The following PAPSS2 variants were observed in gnomAD, a reference collection of about 807,000 sequenced individuals.
The protein encoded by PAPSS2 is 3'-phosphoadenosine 5'-phosphosulfate synthase 2.
PAPSS2 carries 61 observed loss-of-function variants against 66.5 expected under a neutral mutation model. The ratio of observed to expected loss-of-function variants is 0.92; its 90% confidence interval spans 0.75 to 1.14. PAPSS2 has a LOEUF of 1.14. Ranked by LOEUF, PAPSS2 falls within the 50% of genes most tolerant of loss-of-function variation. The probability of loss-of-function intolerance (pLI) is 0.00; values close to 1 mark genes in which losing one functional copy is unlikely to be tolerated. For synonymous variants in PAPSS2, 289 were observed against 287.5 expected, an observed-to-expected ratio of 1.01 and a Z score of -0.05; for missense variants, 708 against 789.6, an observed-to-expected ratio of 0.90 and a Z score of 1.24.
At chr10:87,712,983 T>C in intron 2 of PAPSS2, 92 bp from the exon 3 acceptor site, 1 of 757,830 alleles carries the variant, frequency 1.3e-6, no homozygotes. Context: ...TTTTTTAAGA[T>C]TTAGTTATAT....
Position 87,659,905 on chromosome 10 carries a change from T to TGCTGCC in PAPSS2, c.-75_-74insTGCCGC, listed in dbSNP as rs1044981983. On this transcript the variant is annotated 5_prime_UTR_variant, in exon 1 of 13. Coordinates refer to ENST00000456849, the MANE Select transcript of PAPSS2 (RefSeq NM_001015880.2). ...CCGCTGCTGCTGCTGCTGCTGCTGC[T>TGCTGCC]GCCGCCGCCGCCGCCGCCGTCCCTG... The TGCTGCC allele has an allele frequency of 1.1e-4, 157 of 1,423,794 alleles. 1 individual carries two copies. The highest frequency in any genetic ancestry group is 8.9e-4 in the Middle Eastern group (5 of 5,628). The allele number at this position is 1,423,794 out of a possible 1,614,324, so 88.2% of individuals were successfully genotyped here.
intron 1 of PAPSS2, among the ~76,000 whole-genome samples, chr10:87,671,173 ATTCT>A (rs1852873367): frequency 6.6e-6 from 1 of 152,038 alleles, no homozygotes; most frequent in African/African-American, 2.4e-5. Context: ...GTTTTCAATC[ATTCT>A]TTTTTTTTTC....
At chr10:87,728,898 CCTT>C (rs2131721607) in intron 9 of PAPSS2, among the ~76,000 whole-genome samples, 1 of 152,230 alleles carries the variant, frequency 6.6e-6, no homozygotes, top group Non-Finnish European at 1.5e-5. Flanking sequence ...CCTCTGAAGA[CCTT>C]CTCTATCTGA....
chr10:87,705,452 A>G (rs1418522175), intron 1 of PAPSS2, among the ~76,000 whole-genome samples: 1 of 152,240 alleles, frequency 6.6e-6, no homozygotes, highest in African/African-American at 2.4e-5. Flanking sequence ...ATATCTATCA[A>G]TGGAATTGCT....
At chr10:87,695,305 C>T (rs1291522767) in intron 1 of PAPSS2, among the ~76,000 whole-genome samples, 1 of 152,226 alleles carries the variant, frequency 6.6e-6, no homozygotes, top group Admixed American at 6.5e-5. Context: ...TAATTCCATT[C>T]ATCAGGGCTC....
intron 1 of PAPSS2, among the ~76,000 whole-genome samples, chr10:87,707,709 A>G (rs1853410688): frequency 6.6e-6 from 1 of 151,314 alleles, no homozygotes; most frequent in Admixed American, 6.6e-5. Context: ...AGCTGGGACT[A>G]CAGGCATATG....
At chr10:87,686,341 CAAA>C (rs1211559805) in intron 1 of PAPSS2, among the ~76,000 whole-genome samples, 4 of 58,210 alleles carry the variant, frequency 6.9e-5, no homozygotes, top group Admixed American at 2.0e-4. Flanking sequence ...GGCAACTTTC[CAAA>C]AAAAAAAAAA....
intron 2 of PAPSS2, among the ~76,000 whole-genome samples, chr10:87,709,706 C>T (rs867001050): frequency 1.3e-5 from 2 of 152,112 alleles, no homozygotes; most frequent in Non-Finnish European, 2.9e-5. Context: ...TTTGGCTGTC[C>T]ATAAGGTTTT....
intron 1 of PAPSS2, among the ~76,000 whole-genome samples, chr10:87,683,788 C>G (rs1853055040): frequency 6.6e-6 from 1 of 151,714 alleles, no homozygotes; most frequent in Non-Finnish European, 1.5e-5. Context: ...CTCCTAGGTT[C>G]AAGTGATCCT....
intron 10 of PAPSS2, among the ~76,000 whole-genome samples, chr10:87,743,044 G>A (rs916214356): frequency 4.6e-5 from 7 of 152,144 alleles, no homozygotes; most frequent in Non-Finnish European, 8.8e-5. Context: ...TCAGGGGTTC[G>A]AGACCAGCCT....
chr10:87,662,971 C>T (rs113627357), intron 1 of PAPSS2, among the ~76,000 whole-genome samples: 5,865 of 151,156 alleles, frequency 0.039, 219 homozygotes, highest in East Asian at 0.19. Context: ...CTCCGCCTCC[C>T]GGGTTCAAGC....
In PAPSS2 at chr10:87,747,631, C is replaced by G. The variant is rs1420232155; in HGVS notation, c.*1661C>G. ...TTAAAACTGCTCTTCTGCTCTAGTA[C>G]CATGCTTAGTGCAAATGATTATTTC... On this transcript the variant is annotated 3_prime_UTR_variant, in exon 13 of 13. Coordinates refer to ENST00000456849, the MANE Select transcript of PAPSS2 (RefSeq NM_001015880.2). 6.6e-6 allele frequency: 1 copy of G among 152,214 alleles called. No homozygotes were observed. The highest frequency in any genetic ancestry group is 1.5e-5 in the Non-Finnish European group (1 of 67,760). The allele number at this position is 152,214 out of a possible 1,614,324, so 9.4% of individuals were successfully genotyped here. A position where few individuals can be genotyped will look rare whatever the true frequency, so the allele number is the denominator to read the frequency against.
chr10:87,711,884 G>C (rs1169766203), intron 2 of PAPSS2, among the ~76,000 whole-genome samples: 1 of 152,026 alleles, frequency 6.6e-6, no homozygotes, highest in African/African-American at 2.4e-5. Flanking sequence ...TCGGACAGAG[G>C]CTTGGCACCA....
chr10:87,713,396 G>A (rs746583351), intron 3 of PAPSS2, 86 bp downstream of exon 3: 38 of 748,480 alleles, frequency 5.1e-5, no homozygotes, highest in African/African-American at 1.4e-4. Flanking sequence ...GGAAGGAATC[G>A]GAGAGGGAGG....
At chr10:87,682,602 A>G (rs1470956757) in intron 1 of PAPSS2, among the ~76,000 whole-genome samples, 1 of 148,382 alleles carries the variant, frequency 6.7e-6, no homozygotes, top group Non-Finnish European at 1.5e-5. Context: ...AAGAGGTTAG[A>G]AAAAAAAAAT....
At chr10:87,723,464 C>T (rs759607349) in intron 8 of PAPSS2, among the ~76,000 whole-genome samples, 1 of 152,146 alleles carries the variant, frequency 6.6e-6, no homozygotes, top group Non-Finnish European at 1.5e-5. Flanking sequence ...GAATGACACA[C>T]ATAGTAAAAG....
At chr10:87,701,365 T>C (rs944301731) in intron 1 of PAPSS2, among the ~76,000 whole-genome samples, 9 of 116,780 alleles carry the variant, frequency 7.7e-5, no homozygotes, top group Admixed American at 1.0e-4. Context: ...TCTTTCTTTC[T>C]TTCTTTCTTT....
At chr10:87,692,383 G>C (rs940847781) in intron 1 of PAPSS2, among the ~76,000 whole-genome samples, 1 of 152,164 alleles carries the variant, frequency 6.6e-6, no homozygotes, top group Non-Finnish European at 1.5e-5. Context: ...TCACTGAGGG[G>C]TGTAGGGAGG....
At chr10:87,734,950 T>C (rs1853779064) in intron 9 of PAPSS2, among the ~76,000 whole-genome samples, 1 of 151,978 alleles carries the variant, frequency 6.6e-6, no homozygotes, top group African/African-American at 2.4e-5. Context: ...CTCCTTGGCC[T>C]CTTTGAGCCT....
Sources: gnomAD v4.1 joint callset for allele counts (sites outside exome capture counted in the v4.1 genomes callset) on GRCh38, gnomAD v4.1.1 for gene constraint, MANE v1.5 for transcripts, NCBI Gene and HGNC (gene_info 2026-07-23, HGNC 2026-07-21) for gene names.